The following ATP13A4 variants were observed in gnomAD, a reference collection of about 807,000 sequenced individuals.
The protein encoded by ATP13A4 is ATPase 13A4, also known as probable cation-transporting ATPase 13A4.
In ATP13A4, 114 loss-of-function variants were observed where a neutral mutation model predicts 142.5. The ratio of observed to expected loss-of-function variants is 0.80; its 90% CI spans 0.69 to 0.93. ATP13A4 has a LOEUF of 0.93. Among genes scored for constraint, ATP13A4 ranks in the 40% least tolerant of loss-of-function variants. The pLI, the probability that ATP13A4 is intolerant of heterozygous loss-of-function variation, is 0.00. For missense variants in ATP13A4, 1,392 were observed against 1,454.0 expected, an observed-to-expected ratio of 0.96 and a Z score of 0.69; for synonymous variants, 488 against 514.8, an observed-to-expected ratio of 0.95 and a Z score of 0.70.
At chr3:193,436,830 C>A (rs1157855195) in intron 23 of ATP13A4, among the ~76,000 whole-genome samples, 1 of 139,884 alleles carries the variant, frequency 7.1e-6, no homozygotes, top group Non-Finnish European at 1.5e-5. Flanking sequence ...CGGGGCCGGG[C>A]GCGGTGGCTC....
Position 193,462,807 on chromosome 3 carries a change from C to A in ATP13A4, c.1478G>T (p.Arg493Met). The A allele has an allele frequency of 6.2e-7, 1 of 1,613,926 alleles. No homozygotes were observed. Among genetic ancestry groups the A allele is most frequent in the Non-Finnish European group, 8.5e-7 (1 of 1,179,886 alleles). Reference sequence around the variant, plus strand: ...GACTCCCCAGAGGTCCAAGCCGTCCCTTGTTAAGGTGCCTGTCTAAACAGA... The same window carrying A: ...GACTCCCCAGAGGTCCAAGCCGTCCATTGTTAAGGTGCCTGTCTAAACAGA... ...VCFDKTGTLT[R>M]DGLDLWGVVS... The change falls in exon 13 of 30, where the codon AGG becomes ATG. Residue 493 changes from arginine (R) to methionine (M), a missense_variant. Physicochemically the swap from Arg to Met is moderately conservative, Grantham distance 91. Transcript: ENST00000342695.
At chr3:193,558,592 G>A (rs1184724687), upstream of ATP13A4, among the ~76,000 whole-genome samples, 1 of 152,140 alleles carries the variant, frequency 6.6e-6, no homozygotes, top group Non-Finnish European at 1.5e-5. Context: ...GAGTGACAGA[G>A]GAACTTCAAG....
At chr3:193,521,692 G>C (rs924744217) in intron 1 of ATP13A4, among the ~76,000 whole-genome samples, 2 of 151,838 alleles carry the variant, frequency 1.3e-5, no homozygotes, top group Non-Finnish European at 2.9e-5. Context: ...CAGCATTTTG[G>C]GAGGCCGAGG....
chr3:193,571,300 C>T (rs1347670918), intron 2 of ATP13A4, among the ~76,000 whole-genome samples: 2 of 102,528 alleles, frequency 2.0e-5, no homozygotes, highest in Non-Finnish European at 3.9e-5. Flanking sequence ...AAGAAATATC[C>T]ATGAGTTCAA....
chr3:193,581,469 T>G (rs1724544072), intron 2 of ATP13A4, among the ~76,000 whole-genome samples: 1 of 152,212 alleles, frequency 6.6e-6, no homozygotes, highest in South Asian at 2.1e-4. Context: ...CAATAGCACC[T>G]CATTATATGT....
At chr3:193,493,204 G>C in intron 3 of ATP13A4, 44 bp from the exon 4 acceptor site, 1 of 1,542,394 alleles carries the variant, frequency 6.5e-7, no homozygotes, top group Non-Finnish European at 8.9e-7. Context: ...TTGAGGATCA[G>C]AGAATAAACA....
chr3:193,433,323 A>C (rs1716082670), intron 25 of ATP13A4, among the ~76,000 whole-genome samples: 1 of 152,198 alleles, frequency 6.6e-6, no homozygotes, highest in Non-Finnish European at 1.5e-5. Context: ...AGCCCTAAAA[A>C]AGAATAAAGT....
At chr3:193,439,309 G>A (rs1186014940) in intron 21 of ATP13A4, among the ~76,000 whole-genome samples, 2 of 152,186 alleles carry the variant, frequency 1.3e-5, no homozygotes, top group Admixed American at 6.5e-5. Flanking sequence ...TGCGTAGGGA[G>A]AGTTTTCTCA....
In ATP13A4 at chr3:193,412,391, A is replaced by T. The variant is rs1714815237; in HGVS notation, c.3015-20T>A. The T allele has an allele frequency of 6.2e-7, 1 of 1,608,474 alleles. No homozygotes were observed. The highest frequency in any genetic ancestry group is 1.3e-5 in the African/African-American group (1 of 74,878). ...CAGGCACTAAAAGGGAAAACCAAAG[A>T]AGCTAATGAAGTAAGATTGCAAGGC... On this transcript the variant is annotated intron_variant, in intron 26 of 29. Transcript: ENST00000342695.
At chr3:193,438,733 A>G in intron 22 of ATP13A4, 149 bp from the exon 23 acceptor site, 2 of 765,866 alleles carry the variant, frequency 2.6e-6, no homozygotes, top group Non-Finnish European at 4.5e-6. Flanking sequence ...GAACATGAGA[A>G]AAAGATGGCA....
intron 1 of ATP13A4, among the ~76,000 whole-genome samples, chr3:193,551,918 G>T (rs1008051826): frequency 3.9e-5 from 6 of 152,100 alleles, no homozygotes; most frequent in African/African-American, 1.4e-4. Context: ...GTCACCTAGG[G>T]TTGCTCTTTA....
intron 12 of ATP13A4, 49 bp downstream of exon 12, chr3:193,464,891 G>A: frequency 6.3e-7 from 1 of 1,582,182 alleles, no homozygotes; most frequent in Non-Finnish European, 8.7e-7. Context: ...TATACATGAT[G>A]ACAGCAATGG....
At chr3:193,439,173 T>C in intron 21 of ATP13A4, 108 bp from the exon 22 acceptor site, 2 of 1,191,708 alleles carry the variant, frequency 1.7e-6, no homozygotes, top group South Asian at 1.2e-5. Flanking sequence ...ACTCATTATT[T>C]AAGGGAATTT....
intron 25 of ATP13A4, among the ~76,000 whole-genome samples, chr3:193,422,172 C>T (rs1715436716): frequency 6.7e-6 from 1 of 149,816 alleles, no homozygotes; most frequent in Non-Finnish European, 1.5e-5. Flanking sequence ...AAGCAGACGT[C>T]AAGTCAAAAA....
intron 21 of ATP13A4, 87 bp downstream of exon 21, chr3:193,440,471 A>G: frequency 6.3e-7 from 1 of 1,596,538 alleles, no homozygotes; most frequent in Non-Finnish European, 8.5e-7. Flanking sequence ...CCCTTGTCAA[A>G]CTGAGTGACT....
At chr3:193,414,068 T>C (rs188637277) in intron 26 of ATP13A4, among the ~76,000 whole-genome samples, 20 of 152,320 alleles carry the variant, frequency 1.3e-4, no homozygotes, top group Admixed American at 3.9e-4. Context: ...CTCTTTGTAC[T>C]CTTTCTCTTT....
chr3:193,465,326 T>C (rs1401215113), intron 11 of ATP13A4, among the ~76,000 whole-genome samples, 198 bp from the exon 12 acceptor site: 1 of 152,116 alleles, frequency 6.6e-6, no homozygotes, highest in Non-Finnish European at 1.5e-5. Flanking sequence ...TAGCTGGGAT[T>C]ACAGGCACAC....
At chr3:193,566,177 T>G (rs943078321) in intron 2 of ATP13A4, among the ~76,000 whole-genome samples, 1 of 152,210 alleles carries the variant, frequency 6.6e-6, no homozygotes, top group Admixed American at 6.5e-5. Context: ...CCTGGGGTAA[T>G]GGACCTGCCC....
intron 26 of ATP13A4, among the ~76,000 whole-genome samples, chr3:193,414,044 A>T (rs536472460): frequency 1.3e-5 from 2 of 152,280 alleles, no homozygotes; most frequent in African/African-American, 4.8e-5. Flanking sequence ...CGGAGGCCCA[A>T]CTGCAAAATT....
Sources: gnomAD v4.1 joint callset for allele counts (sites outside exome capture counted in the v4.1 genomes callset) on GRCh38, gnomAD v4.1.1 for gene constraint, MANE v1.5 for transcripts, NCBI Gene and HGNC (gene_info 2026-07-23, HGNC 2026-07-21) for gene names.